The following TXK variants were observed in gnomAD, a reference collection of about 807,000 sequenced individuals.
The protein encoded by TXK is TXK tyrosine kinase, also known as tyrosine-protein kinase TXK.
TXK carries 60 observed loss-of-function variants against 81.0 expected under a neutral mutation model. The ratio of observed to expected loss-of-function variants is 0.74; its 90% CI spans 0.60 to 0.92. TXK has a LOEUF of 0.92. Among genes scored for constraint, TXK ranks in the 40% least tolerant of loss-of-function variants. The pLI, the probability that TXK is intolerant of heterozygous loss-of-function variation, is 0.00. For synonymous variants in TXK, 203 were observed against 210.7 expected (o/e 0.96, Z 0.32); for missense variants, 581 against 638.3 (o/e 0.91, Z 0.97).
intron 1 of TXK, among the ~76,000 whole-genome samples, chr4:48,125,377 A>G (rs1719064512): frequency 6.6e-6 from 1 of 152,228 alleles, no homozygotes; most frequent in South Asian, 2.1e-4. Flanking sequence ...AATACATTTA[A>G]GGTAACCAAA....
At chr4:48,101,709 C>T (rs1441429640) in intron 6 of TXK, among the ~76,000 whole-genome samples, 2 of 151,100 alleles carry the variant, frequency 1.3e-5, no homozygotes, top group Non-Finnish European at 2.9e-5. Flanking sequence ...GATAAAGACC[C>T]AGATGTGGAA....
chr4:48,087,335 G>T (rs965205857), intron 9 of TXK, among the ~76,000 whole-genome samples: 3 of 151,992 alleles, frequency 2.0e-5, no homozygotes, highest in African/African-American at 7.3e-5. Context: ...TGGAACTTTT[G>T]AATAATGCAT....
chr4:48,112,241 A>G, intron 4 of TXK, 66 bp downstream of exon 4: 1 of 1,437,242 alleles, frequency 7.0e-7, no homozygotes, highest in Non-Finnish European at 9.8e-7. Flanking sequence ...TATAAGCCTG[A>G]GTCACTAAGT....
intron 10 of TXK, 54 bp from the exon 11 acceptor site, chr4:48,080,182 G>A (rs1717243469): frequency 7.3e-7 from 1 of 1,367,524 alleles, no homozygotes; most frequent in East Asian, 2.3e-5. Context: ...ATTTTTAAAT[G>A]TTTGAACATA....
intron 14 of TXK, 140 bp from the exon 15 acceptor site, chr4:48,067,845 C>A: frequency 1.3e-6 from 1 of 794,552 alleles, no homozygotes; most frequent in African/African-American, 1.7e-5. Flanking sequence ...TTCACTCATG[C>A]AAAAATTCAA....
intron 10 of TXK, among the ~76,000 whole-genome samples, chr4:48,081,832 T>G (rs1409603736): frequency 3.9e-5 from 6 of 152,338 alleles, no homozygotes; most frequent in Non-Finnish European, 8.8e-5. Flanking sequence ...TAAACCCGTT[T>G]GGTCTTCCCC....
intron 8 of TXK, among the ~76,000 whole-genome samples, chr4:48,090,976 A>G (rs569204327): frequency 8.5e-5 from 13 of 152,250 alleles, no homozygotes; most frequent in Non-Finnish European, 1.9e-4. Flanking sequence ...TTAAGTGCCT[A>G]TTGTGTGCAA....
chr4:48,113,893 G>A (rs924589391), intron 2 of TXK, among the ~76,000 whole-genome samples: 1 of 152,108 alleles, frequency 6.6e-6, no homozygotes, highest in African/African-American at 2.4e-5. Flanking sequence ...CTGATATACA[G>A]GAAGCTCCTG....
chr4:48,121,931 T>C (rs1718973696), intron 1 of TXK, among the ~76,000 whole-genome samples: 2 of 152,220 alleles, frequency 1.3e-5, no homozygotes, highest in Admixed American at 6.5e-5. Flanking sequence ...AATGGTAAAT[T>C]TTTGATATAT....
intron 1 of TXK, among the ~76,000 whole-genome samples, chr4:48,115,534 A>G (rs558079894): frequency 1.5e-4 from 23 of 152,260 alleles, no homozygotes; most frequent in African/African-American, 5.3e-4. Flanking sequence ...TATTGAAGTG[A>G]GATGATTTTC....
intron 12 of TXK, 35 bp downstream of exon 12, chr4:48,076,367 C>T (rs370563518): frequency 1.9e-5 from 28 of 1,448,458 alleles, no homozygotes; most frequent in Admixed American, 4.4e-5. Context: ...AGTAAACAAA[C>T]AAACAAAATA....
intron 9 of TXK, 109 bp from the exon 10 acceptor site, chr4:48,086,746 G>C (rs1305032336): frequency 3.6e-5 from 36 of 1,004,868 alleles, no homozygotes; most frequent in Non-Finnish European, 5.1e-5. Context: ...GTTAAAAAAT[G>C]TATAAAGTGG....
At chr4:48,076,027 T>G (rs1400799736) in intron 12 of TXK, among the ~76,000 whole-genome samples, 1 of 152,220 alleles carries the variant, frequency 6.6e-6, no homozygotes, top group Non-Finnish European at 1.5e-5. Context: ...ATAGAAATGT[T>G]TGGTGAGGAC....
chr4:48,129,793 C>T (rs1019723520), intron 1 of TXK, among the ~76,000 whole-genome samples: 25 of 152,190 alleles, frequency 1.6e-4, no homozygotes, highest in African/African-American at 5.8e-4. Flanking sequence ...CCCACTCCCC[C>T]ACATCTCAAA....
rs1188989049 is a variant in TXK at position 48,084,202 on chromosome 4, A to G, written c.956+2264T>C. On this transcript the variant is annotated intron_variant, in intron 10 of 14. Transcript: ENST00000264316. The stretch of plus-strand genomic sequence containing the variant: ...CTTGCTGAGCTCAATTGATCCTCCC[A>G]CCTCAGCCTCTTGAGTAGCTGGGAC... Among the ~76,000 whole-genome samples, 3 of 150,660 alleles carry G rather than the reference A, an allele frequency of 2.0e-5. No homozygotes were observed. In the East Asian group the frequency reaches 5.9e-4, roughly 29 times the overall value.
chr4:48,131,342 C>G (rs528445173), intron 1 of TXK, among the ~76,000 whole-genome samples: 26 of 148,256 alleles, frequency 1.8e-4, no homozygotes, highest in African/African-American at 6.5e-4. Context: ...TTTTAAAAGA[C>G]TGGGTCTCAC....
chr4:48,112,681 AG>A (rs1718674512), intron 3 of TXK, among the ~76,000 whole-genome samples, 169 bp from the exon 4 acceptor site: 1 of 152,352 alleles, frequency 6.6e-6, no homozygotes, highest in East Asian at 1.9e-4. Flanking sequence ...AAACTCCTTT[AG>A]GATCCAGCAA....
At chr4:48,115,927 C>T (rs749131005) in intron 1 of TXK, among the ~76,000 whole-genome samples, 1 of 152,132 alleles carries the variant, frequency 6.6e-6, no homozygotes, top group African/African-American at 2.4e-5. Context: ...TCCCCATCAG[C>T]TCATACTCAT....
At chr4:48,097,597 C>A (rs1434848630) in intron 6 of TXK, among the ~76,000 whole-genome samples, 4 of 151,652 alleles carry the variant, frequency 2.6e-5, no homozygotes, top group Admixed American at 2.6e-4. Flanking sequence ...GCCACCATGC[C>A]CAGCTAATTT....
Sources: gnomAD v4.1 joint callset for allele counts (sites outside exome capture counted in the v4.1 genomes callset) on GRCh38, gnomAD v4.1.1 for gene constraint, MANE v1.5 for transcripts, NCBI Gene and HGNC (gene_info 2026-07-23, HGNC 2026-07-21) for gene names.